The following PCDH9 variants were observed in gnomAD, a reference collection of about 807,000 sequenced individuals.
PCDH9 encodes protocadherin-9.
Under a neutral mutation model 70.6 loss-of-function variants are expected in PCDH9, and 24 were observed. That is an observed-to-expected ratio of 0.34 (90% CI 0.25 to 0.48). PCDH9 has a LOEUF of 0.48. PCDH9 is among the 20% of genes least tolerant of loss of function. The pLI, the probability that PCDH9 is intolerant of heterozygous loss-of-function variation, is 0.99. For synonymous variants in PCDH9, 562 were observed against 558.5 expected (o/e 1.01, Z -0.09); for missense variants, 1,281 against 1,503.6 (o/e 0.85, Z 2.45).
At chr13:66,387,102 CAT>C (rs1956943093) in intron 4 of PCDH9, among the ~76,000 whole-genome samples, 1 of 152,060 alleles carries the variant, frequency 6.6e-6, no homozygotes, top group Admixed American at 6.6e-5. Flanking sequence ...TCTTCATGAA[CAT>C]ATTTCTTTAA....
At chr13:66,708,634 G>T (rs1487150555) in intron 3 of PCDH9, among the ~76,000 whole-genome samples, 1 of 152,160 alleles carries the variant, frequency 6.6e-6, no homozygotes, top group Non-Finnish European at 1.5e-5. Flanking sequence ...TTATCAGTGA[G>T]TCATTTTTCA....
intron 4 of PCDH9, among the ~76,000 whole-genome samples, chr13:66,444,890 C>A (rs1487578707): frequency 6.6e-6 from 1 of 151,598 alleles, no homozygotes; most frequent in South Asian, 2.1e-4. Context: ...GAACTGGAGC[C>A]AAGAGCAGTA....
chr13:66,770,226 G>A (rs1480997743), intron 3 of PCDH9, among the ~76,000 whole-genome samples: 2 of 152,094 alleles, frequency 1.3e-5, no homozygotes, highest in Non-Finnish European at 2.9e-5. Context: ...ATAGGGAGGA[G>A]GGTGAGGGAT....
At chr13:66,562,537 G>A (rs1407457325) in intron 4 of PCDH9, among the ~76,000 whole-genome samples, 1 of 152,192 alleles carries the variant, frequency 6.6e-6, no homozygotes, top group Non-Finnish European at 1.5e-5. Flanking sequence ...TTACATGGTA[G>A]CAGGCAAGAG....
chr13:66,339,151 G>C (rs1956085298), intron 4 of PCDH9, among the ~76,000 whole-genome samples: 1 of 152,098 alleles, frequency 6.6e-6, no homozygotes, highest in Non-Finnish European at 1.5e-5. Flanking sequence ...CGTGGCCACA[G>C]TTGTAGCTTT....
intron 4 of PCDH9, among the ~76,000 whole-genome samples, chr13:66,595,310 T>C (rs1431251342): frequency 6.6e-6 from 1 of 151,738 alleles, no homozygotes; most frequent in Non-Finnish European, 1.5e-5. Flanking sequence ...GTTTATCTTC[T>C]GGACAAAATC....
At chr13:66,580,616 AC>A (rs1219269808) in intron 4 of PCDH9, among the ~76,000 whole-genome samples, 1 of 151,354 alleles carries the variant, frequency 6.6e-6, no homozygotes, top group African/African-American at 2.4e-5. Context: ...CATTTTTATC[AC>A]CCCAAAAAGA....
At chr13:66,500,760 G>C (rs891864552) in intron 4 of PCDH9, among the ~76,000 whole-genome samples, 2 of 151,896 alleles carry the variant, frequency 1.3e-5, no homozygotes, top group African/African-American at 4.8e-5. Context: ...GTTTCCTACT[G>C]TTTCTATTTT....
intron 3 of PCDH9, among the ~76,000 whole-genome samples, chr13:66,722,460 G>A (rs917420479): frequency 2.6e-5 from 4 of 151,984 alleles, no homozygotes; most frequent in Admixed American, 6.5e-5. Flanking sequence ...AGACTTCCCC[G>A]GAAGCCATGG....
At chr13:66,981,991 T>C (rs1280493424) in intron 2 of PCDH9, among the ~76,000 whole-genome samples, 1 of 152,198 alleles carries the variant, frequency 6.6e-6, no homozygotes, top group Non-Finnish European at 1.5e-5. Context: ...TAATCACCAA[T>C]GCTGGAGGTA....
chr13:66,950,437 G>A (rs963447027), intron 2 of PCDH9, among the ~76,000 whole-genome samples: 28 of 151,332 alleles, frequency 1.9e-4, no homozygotes, highest in Non-Finnish European at 4.1e-4. Flanking sequence ...GATAATTTAT[G>A]TAAATATCAA....
chr13:67,159,511 T>C (rs1594592241), intron 2 of PCDH9, among the ~76,000 whole-genome samples: 1 of 152,174 alleles, frequency 6.6e-6, no homozygotes, highest in Admixed American at 6.5e-5. Flanking sequence ...GAGTGAGTTC[T>C]TGGACATCGA....
At chr13:66,888,727 A>G (rs1432774973) in intron 3 of PCDH9, among the ~76,000 whole-genome samples, 1 of 152,086 alleles carries the variant, frequency 6.6e-6, no homozygotes, top group African/African-American at 2.4e-5. Flanking sequence ...AGGAAAGACA[A>G]TCTGAAAGTA....
At chr13:67,008,969 T>C (rs1050753846) in intron 2 of PCDH9, among the ~76,000 whole-genome samples, 4 of 152,160 alleles carry the variant, frequency 2.6e-5, no homozygotes, top group African/African-American at 9.6e-5. Context: ...ATCAACTGTA[T>C]GTAATAAAGA....
At chr13:66,991,029 G>T (rs970548488) in intron 2 of PCDH9, 12 of 151,782 alleles carry the variant, frequency 7.9e-5, no homozygotes, top group African/African-American at 2.9e-4. Context: ...TTTAATATTA[G>T]CGGGTTTTTA....
chr13:66,661,672 T>C (rs2078010620), intron 3 of PCDH9, among the ~76,000 whole-genome samples: 1 of 152,094 alleles, frequency 6.6e-6, no homozygotes, highest in African/African-American at 2.4e-5. Flanking sequence ...TACAATTAGG[T>C]TTATCATAAA....
intron 4 of PCDH9, among the ~76,000 whole-genome samples, chr13:66,612,343 T>C (rs6562461): frequency 0.98 from 148,570 of 152,276 alleles, 72,592 homozygotes; most frequent in East Asian, 1. Context: ...GACCAAACAA[T>C]AATCAGTGAA....
At chr13:66,789,583 A>G (rs1207191595) in intron 3 of PCDH9, among the ~76,000 whole-genome samples, 1 of 152,126 alleles carries the variant, frequency 6.6e-6, no homozygotes, top group Non-Finnish European at 1.5e-5. Context: ...AACTACTTTA[A>G]GTCTCTAAAA....
chr13:67,106,600 G>T (rs889586878), intron 2 of PCDH9, among the ~76,000 whole-genome samples: 4 of 152,216 alleles, frequency 2.6e-5, no homozygotes, highest in African/African-American at 9.6e-5. Context: ...TGCAGCGGAG[G>T]AGGTGAGGCC....
Sources: allele counts gnomAD v4.1 joint callset (sites outside exome capture counted in the v4.1 genomes callset), GRCh38; gene constraint gnomAD v4.1.1; transcripts MANE v1.5; gene names NCBI Gene and HGNC (gene_info 2026-07-23, HGNC 2026-07-21).